Variants in KCNJ12 observed in about 807,000 individuals in gnomAD.
The protein encoded by KCNJ12 is potassium inwardly rectifying channel subfamily J member 12.
Under a neutral mutation model 22.3 loss-of-function variants are expected in KCNJ12, and 2 were observed. The observed-to-expected ratio is 0.09, with a 90% confidence interval of 0.04 to 0.28. The LOEUF (loss-of-function observed/expected upper bound fraction) is 0.28, where lower values mean the gene tolerates loss of function less well. KCNJ12 is among the 10% of genes least tolerant of loss of function. The pLI is 1.00. For synonymous variants in KCNJ12, 117 were observed against 261.4 expected (o/e 0.45, Z 5.33); for missense variants, 155 against 633.3 (o/e 0.24, Z 8.11).
Position 21,376,782 on chromosome 17 carries a change from G to GC in KCNJ12, c.-305dup. On this transcript the variant is annotated 5_prime_UTR_variant, in exon 1 of 3. An upstream open reading frame in the 5' UTR loses its in-frame stop. Transcript: ENST00000583088. The surrounding 1 kb of genome is among the most constrained non-coding windows in gnomAD (Gnocchi z 5.3). ...GAAGACGCGCCCCTCGGCATGGAGC[G>GC]CCCCCGGGAGCTGCCCTGAGGCGGT... 8.7e-6 allele frequency: 1 copy of GC among 114,936 alleles called. No individual in the cohort carries two copies. Among genetic ancestry groups the GC allele is most frequent in the Non-Finnish European group, 1.8e-5 (1 of 55,088 alleles). The allele number at this position is 114,936 out of a possible 1,614,324, so 7.1% of individuals were successfully genotyped here. A position where few individuals can be genotyped will look rare whatever the true frequency, so the allele number is the denominator to read the frequency against.
intron 1 of KCNJ12, among the ~76,000 whole-genome samples, chr17:21,402,290 C>T (rs1407837385): frequency 6.6e-6 from 1 of 152,272 alleles, no homozygotes; most frequent in African/African-American, 2.4e-5. Context: ...CTTCCCTGAC[C>T]TCTGGAATAG....
At chr17:21,410,816 T>C (rs1906289367) in intron 2 of KCNJ12, among the ~76,000 whole-genome samples, 1 of 152,302 alleles carries the variant, frequency 6.6e-6, no homozygotes, top group Admixed American at 6.5e-5. Context: ...TCAATCTTCC[T>C]AGGCTTCCGT....
intron 2 of KCNJ12, among the ~76,000 whole-genome samples, 165 bp from the exon 3 acceptor site, chr17:21,415,122 C>T (rs1326666834): frequency 3.3e-5 from 5 of 152,286 alleles, no homozygotes; most frequent in Admixed American, 6.5e-5. Flanking sequence ...GGTGGCCATT[C>T]GCACTGGGAA....
chr17:21,385,658 C>T (rs1905048490), intron 1 of KCNJ12, among the ~76,000 whole-genome samples: 1 of 152,230 alleles, frequency 6.6e-6, no homozygotes, highest in Admixed American at 6.5e-5. Flanking sequence ...CTCCTCTTTT[C>T]CTCTGCAGGG....
At chr17:21,401,356 C>T (rs1480888538) in intron 1 of KCNJ12, among the ~76,000 whole-genome samples, 1 of 152,278 alleles carries the variant, frequency 6.6e-6, no homozygotes, top group African/African-American at 2.4e-5. Flanking sequence ...AGTCCCCAAG[C>T]AAGGCCATAG....
At chr17:21,408,085 G>C (rs1441497257) in intron 1 of KCNJ12, among the ~76,000 whole-genome samples, 3 of 152,288 alleles carry the variant, frequency 2.0e-5, no homozygotes, top group Non-Finnish European at 2.9e-5. Context: ...CGTTGGGAAG[G>C]CTCTGCAGGT....
In KCNJ12 at chr17:21,419,294, A is replaced by ATG. The variant is rs1567711031; in HGVS notation, c.*2650_*2651insTG. 2 of 151,732 alleles carry ATG rather than the reference A, an allele frequency of 1.3e-5. No individual in the cohort carries two copies. The highest frequency in any genetic ancestry group is 3.0e-5 in the Non-Finnish European group (2 of 65,668). The allele number at this position is 151,732 out of a possible 1,614,324, so 9.4% of individuals were successfully genotyped here. On this transcript the variant is annotated 3_prime_UTR_variant, in exon 3 of 3. Transcript: ENST00000583088. ...TTAGTAATACAGATACGTGATCTAT[A>ATG]CGTGTGTGTGTGTGTGTGTGTGTGT... is the stretch of plus-strand genomic sequence containing the variant.
At chr17:21,404,111 C>A (rs1439309397) in intron 1 of KCNJ12, among the ~76,000 whole-genome samples, 1 of 152,168 alleles carries the variant, frequency 6.6e-6, no homozygotes, top group South Asian at 2.1e-4. Context: ...CCACAAACCC[C>A]GAATAGTTTA....
At chr17:21,412,457 G>A (rs1906415135) in intron 2 of KCNJ12, among the ~76,000 whole-genome samples, 2 of 152,422 alleles carry the variant, frequency 1.3e-5, no homozygotes, top group Admixed American at 6.5e-5. Context: ...CTCGGAGCAG[G>A]GGCTGGAGCA....
intron 2 of KCNJ12, among the ~76,000 whole-genome samples, chr17:21,409,154 G>C (rs1215811735): frequency 6.6e-6 from 1 of 152,300 alleles, no homozygotes; most frequent in Non-Finnish European, 1.5e-5. Flanking sequence ...GCCTGGGCAA[G>C]ATCAACTCTC....
chr17:21,397,884 C>T (rs782396963), intron 1 of KCNJ12, among the ~76,000 whole-genome samples: 2 of 152,194 alleles, frequency 1.3e-5, no homozygotes, highest in Admixed American at 6.5e-5. Flanking sequence ...GCCTGGGGGC[C>T]GAGACTTGCC....
intron 2 of KCNJ12, 53 bp from the exon 3 acceptor site, chr17:21,415,234 A>T: frequency 7.0e-7 from 1 of 1,419,050 alleles, no homozygotes; most frequent in Non-Finnish European, 9.6e-7. Context: ...GGATGGGGGT[A>T]GAGGAGCCCG....
chr17:21,394,312 G>A (rs998088583), intron 1 of KCNJ12, among the ~76,000 whole-genome samples: 17 of 152,214 alleles, frequency 1.1e-4, no homozygotes, highest in African/African-American at 3.9e-4. Context: ...GCTGCCTACA[G>A]TGTTCAGTAC....
chr17:21,415,169 A>C, intron 2 of KCNJ12, 118 bp from the exon 3 acceptor site: 3 of 1,094,870 alleles, frequency 2.7e-6, no homozygotes, highest in Non-Finnish European at 3.9e-6. Context: ...AGACCAGAGC[A>C]CGATCGTGGG....
chr17:21,384,065 T>C (rs1467582633), intron 1 of KCNJ12, among the ~76,000 whole-genome samples: 1 of 151,986 alleles, frequency 6.6e-6, no homozygotes, highest in Non-Finnish European at 1.5e-5. Context: ...GGCTTCTGGG[T>C]TTCTCAGTGC....
chr17:21,380,017 G>A (rs1904810588), intron 1 of KCNJ12, among the ~76,000 whole-genome samples: 1 of 152,180 alleles, frequency 6.6e-6, no homozygotes, highest in Admixed American at 6.5e-5. Flanking sequence ...CAGACCCAGA[G>A]CCCTGGTGCT....
chr17:21,406,301 C>CA (rs1445917640), intron 1 of KCNJ12, among the ~76,000 whole-genome samples: 10 of 152,264 alleles, frequency 6.6e-5, no homozygotes, highest in Non-Finnish European at 1.5e-4. Context: ...AGTGTTGGCC[C>CA]ACTCGGGGAA....
intron 1 of KCNJ12, among the ~76,000 whole-genome samples, chr17:21,393,331 C>T (rs1322865914): frequency 2.0e-5 from 3 of 152,134 alleles, no homozygotes; most frequent in Non-Finnish European, 4.4e-5. Flanking sequence ...CCCTCAGAGG[C>T]CCTGCTTCAG....
intron 1 of KCNJ12, among the ~76,000 whole-genome samples, chr17:21,388,148 G>T (rs1905123859): frequency 6.6e-6 from 1 of 152,200 alleles, no homozygotes; most frequent in Non-Finnish European, 1.5e-5. Context: ...TGCAGGGAGG[G>T]TGTTTTCCTG....
Sources: allele counts gnomAD v4.1 joint callset (sites outside exome capture counted in the v4.1 genomes callset), GRCh38; gene constraint gnomAD v4.1.1; non-coding constraint Gnocchi (gnomAD v3.1); transcripts MANE v1.5; gene names NCBI Gene and HGNC (gene_info 2026-07-23, HGNC 2026-07-21).